ACYP1: variants seen among roughly 807,000 people sequenced by gnomAD.
The protein encoded by ACYP1 is acylphosphatase 1.
A neutral mutation model predicts 10.4 loss-of-function variants in ACYP1; 8 were observed. The ratio of observed to expected loss-of-function variants is 0.77; its 90% CI spans 0.45 to 1.38. The LOEUF (loss-of-function observed/expected upper bound fraction) is 1.38, where lower values mean the gene tolerates loss of function less well. Among genes scored for constraint, ACYP1 ranks in the 40% most tolerant of loss-of-function variants. The probability of loss-of-function intolerance (pLI) is 0.00; values close to 1 mark genes in which losing one functional copy is unlikely to be tolerated. For missense variants in ACYP1, 93 were observed against 117.3 expected (o/e 0.79, Z 0.96); for synonymous variants, 38 against 40.8 (o/e 0.93, Z 0.26).
Position 75,069,373 on chromosome 14 carries a change from C to G in ACYP1, c.-82G>C. The G allele has an allele frequency of 4.5e-6, 5 of 1,121,554 alleles. No homozygotes were observed. The South Asian group carries it at 7.1e-5, about 16-fold the overall frequency. The allele number at this position is 1,121,554 out of a possible 1,614,324, so 69.5% of individuals were successfully genotyped here. A position where few individuals can be genotyped will look rare whatever the true frequency, so the allele number is the denominator to read the frequency against. ...GGCACACCCCAAGGTCTGGGAGCGT[C>G]GTTCTCAGAAAAGTACAAGTTCTTC... On this transcript the variant is annotated 5_prime_UTR_variant, in exon 1 of 3. Transcript: ENST00000555463.
intron 2 of ACYP1, among the ~76,000 whole-genome samples, chr14:75,062,751 A>G (rs1893059807): frequency 6.6e-6 from 1 of 151,958 alleles, no homozygotes; most frequent in Non-Finnish European, 1.5e-5. Flanking sequence ...GCCAATACCT[A>G]CAGAAGGCAG....
exon 1 of ACYP1, chr14:75,069,217 C>T: frequency 2.0e-6 from 3 of 1,512,790 alleles, no homozygotes; most frequent in South Asian, 1.2e-5. Context: ...TACCTGGGGC[C>T]CGCCCAGCGC....
intron 2 of ACYP1, among the ~76,000 whole-genome samples, chr14:75,061,091 AC>A (rs1893003810): frequency 6.6e-6 from 1 of 151,596 alleles, no homozygotes; most frequent in Non-Finnish European, 1.5e-5. Context: ...AACAACAACA[AC>A]AACAACAACA....
At chr14:75,057,989 GAA>G (rs1491588775) in intron 2 of ACYP1, among the ~76,000 whole-genome samples, 1 of 90,172 alleles carries the variant, frequency 1.1e-5, no homozygotes, top group Non-Finnish European at 2.1e-5. Flanking sequence ...AAAAAAAAAA[GAA>G]CTACCTGCTG....
intron 2 of ACYP1, among the ~76,000 whole-genome samples, chr14:75,061,385 TA>T (rs774584417): frequency 1.3e-5 from 2 of 152,192 alleles, no homozygotes; most frequent in Non-Finnish European, 2.9e-5. Flanking sequence ...AGAGGCTAGA[TA>T]ATATCAACAG....
chr14:75,066,536 G>A (rs1459722899), upstream of ACYP1, among the ~76,000 whole-genome samples: 1 of 152,142 alleles, frequency 6.6e-6, no homozygotes, highest in African/African-American at 2.4e-5. Context: ...CAGCAGAAAT[G>A]TAAAGGAAGA....
At chr14:75,061,751 A>C in intron 2 of ACYP1, 3 of 1,584,580 alleles carry the variant, frequency 1.9e-6, no homozygotes, top group Non-Finnish European at 2.6e-6. Context: ...TTCTGTTTTC[A>C]ACAGTCATTT....
intron 2 of ACYP1, chr14:75,060,277 A>C (rs929815261): frequency 4.3e-6 from 3 of 692,510 alleles, no homozygotes; most frequent in Non-Finnish European, 5.2e-6. Flanking sequence ...AAACAAACAA[A>C]CAACCACAAT....
upstream of ACYP1, among the ~76,000 whole-genome samples, chr14:75,067,706 T>C (rs1406717140): frequency 6.6e-6 from 1 of 152,062 alleles, no homozygotes; most frequent in Non-Finnish European, 1.5e-5. Flanking sequence ...GTTAACAAGA[T>C]GCAGACAGGG....
chr14:75,062,659 C>CAAAAAAA (rs534860020), intron 2 of ACYP1, among the ~76,000 whole-genome samples: 228 of 103,332 alleles, frequency 2.2e-3, no homozygotes, highest in African/African-American at 5.5e-3. Context: ...ACTAAAAATA[C>CAAAAAAA]AAAAAAAAAA....
At chr14:75,056,129 C>A (rs537808454) in intron 2 of ACYP1, among the ~76,000 whole-genome samples, 1 of 151,312 alleles carries the variant, frequency 6.6e-6, no homozygotes, top group Admixed American at 6.6e-5. Flanking sequence ...TAATCAAAAA[C>A]TTCCCACAGA....
At chr14:75,068,372 G>A (rs557005328), upstream of ACYP1, among the ~76,000 whole-genome samples, 35 of 152,162 alleles carry the variant, frequency 2.3e-4, 1 homozygote, top group South Asian at 7.1e-3. Flanking sequence ...AAAAATGCAG[G>A]GGTAAAGTGA....
intron 2 of ACYP1, among the ~76,000 whole-genome samples, chr14:75,055,384 G>C (rs1892851969): frequency 1.3e-5 from 2 of 151,370 alleles, no homozygotes; most frequent in Admixed American, 1.3e-4. Context: ...ACTGCACCTG[G>C]CCTTATCTGA....
At chr14:75,068,019 G>A (rs975841989), upstream of ACYP1, among the ~76,000 whole-genome samples, 1 of 149,382 alleles carries the variant, frequency 6.7e-6, no homozygotes, top group African/African-American at 2.5e-5. Flanking sequence ...GCCAGGCCCG[G>A]TGGCTCATGC....
chr14:75,058,177 G>A (rs1451006064), intron 2 of ACYP1, among the ~76,000 whole-genome samples: 3 of 150,558 alleles, frequency 2.0e-5, no homozygotes, highest in East Asian at 2.0e-4. Flanking sequence ...CACCGGGCAC[G>A]GTGGCTCACA....
Position 75,061,833 on chromosome 14 carries a change from G to A in ACYP1, c.84+1637C>T, listed in dbSNP as rs1893023572. On this transcript the variant is annotated intron_variant, in intron 2 of 2. Coordinates refer to ENST00000238618, the MANE Select transcript of ACYP1 (RefSeq NM_001107.5). The stretch of plus-strand genomic sequence containing the variant: ...AAAAGAGGTATTGGCCGGGCACAGT[G>A]GCTCACACCTGTAATCCCAACACTT... 9.3e-6 allele frequency: 11 copies of A among 1,178,952 alleles called. No homozygotes were observed. The Admixed American group carries it at 2.4e-4, about 25-fold the overall frequency. 73.0% of individuals were successfully genotyped at this position (1,178,952 alleles called of 1,614,324 possible).
At position 75,053,540 on chromosome 14, in the gene ACYP1, T is replaced by C. The variant is rs767665652; in HGVS notation, c.204A>G (p.Thr68=). 2.5e-6 allele frequency: 4 copies of C among 1,614,078 alleles called. No individual in the cohort carries two copies. Among genetic ancestry groups the C allele is most frequent in the Admixed American group, 3.3e-5 (2 of 59,998 alleles). ...CGATGTGTGATTTAGGACTTCCTCTTGTTTCAAGCCATTCCTGCATATGAC... is the reference window on the plus strand; with the variant it reads ...CGATGTGTGATTTAGGACTTCCTCTCGTTTCAAGCCATTCCTGCATATGAC... ...KVRHMQEWLE[T]RGSPKSHIDK... The change falls in exon 3 of 3, where the codon ACA becomes ACG. Residue 68 remains threonine, a synonymous_variant. Coordinates refer to ENST00000238618, the MANE Select transcript of ACYP1 (RefSeq NM_001107.5).
At chr14:75,063,435 C>G in intron 2 of ACYP1, 35 bp downstream of exon 2, 1 of 1,576,418 alleles carries the variant, frequency 6.3e-7, no homozygotes, top group Middle Eastern at 1.7e-4. Context: ...TGCCCACAAC[C>G]TAGGTTACCA....
upstream of ACYP1, chr14:75,064,572 A>C (rs1402737645): frequency 2.0e-5 from 3 of 152,180 alleles, no homozygotes; most frequent in Non-Finnish European, 4.4e-5. Context: ...CGTTTCTACC[A>C]AAAATACAAA....
Sources: allele counts gnomAD v4.1 joint callset (sites outside exome capture counted in the v4.1 genomes callset), GRCh38; gene constraint gnomAD v4.1.1; transcripts MANE v1.5; gene names NCBI Gene and HGNC (gene_info 2026-07-23, HGNC 2026-07-21).